The following HIP1 variants were observed in gnomAD, a reference collection of about 807,000 sequenced individuals.
The protein encoded by HIP1 is huntingtin interacting protein 1.
HIP1 carries 65 observed loss-of-function variants against 147.6 expected under a neutral mutation model. That is an observed-to-expected ratio of 0.44 (90% confidence interval 0.36 to 0.54). The LOEUF is 0.54. Ranked by LOEUF, HIP1 falls within the 20% of genes least tolerant of loss-of-function variation. HIP1 has a pLI of 0.00. For synonymous variants in HIP1, 479 were observed against 504.0 expected (o/e 0.95, Z 0.67); for missense variants, 1,061 against 1,299.6 (o/e 0.82, Z 2.82).
chr7:75,636,442 T>C lies in HIP1; in HGVS notation c.121-37195A>G, dbSNP rs993491975. Among the ~76,000 whole-genome samples the C allele has an allele frequency of 8.1e-4, 123 of 152,288 alleles. 2 individuals are homozygous for C. The highest frequency in any genetic ancestry group is 1.5e-3 in the Non-Finnish European group (103 of 68,026). ...GCAGGAGAAACCTCCAAGGCTGACA[T>C]TGGACTCTGTCAAGGATGTTCCTGA... On this transcript the variant is annotated intron_variant, in intron 1 of 30. Coordinates refer to ENST00000336926, the MANE Select transcript of HIP1 (RefSeq NM_005338.7).
chr7:75,560,017 T>G, intron 13 of HIP1, 102 bp from the exon 14 acceptor site: 2 of 1,167,634 alleles, frequency 1.7e-6, no homozygotes, highest in Non-Finnish European at 2.3e-6. Flanking sequence ...AAATACCTGA[T>G]TCCCCTAAGT....
At position 75,568,728 on chromosome 7, in the gene HIP1, G is replaced by T. The variant is rs782746614; in HGVS notation, c.746-472C>A. The stretch of plus-strand genomic sequence containing the variant: ...GAAGGCAAAGAACAAGGGATTGAAG[G>T]CCAGGTGCAGTGGCTCACGCATGTA... On this transcript the variant is annotated intron_variant, in intron 8 of 30. Coordinates refer to ENST00000336926, the MANE Select transcript of HIP1 (RefSeq NM_005338.7). The surrounding 1 kb of genome is among the most constrained non-coding windows in gnomAD (Gnocchi z 4.1). 5.5e-4 allele frequency among the ~76,000 whole-genome samples: 83 copies of T among 152,196 alleles called. No individual in the cohort carries two copies. The highest frequency in any genetic ancestry group is 8.2e-4 in the Non-Finnish European group (56 of 68,036).
At chr7:75,580,475 C>T (rs1023163513) in intron 7 of HIP1, among the ~76,000 whole-genome samples, 23 of 152,038 alleles carry the variant, frequency 1.5e-4, no homozygotes, top group East Asian at 1.9e-4. Context: ...TGGTAGCTCA[C>T]GCCTGTAATC....
rs149128119 is a variant in HIP1, at chr7:75,547,751, C to T, written c.2465+4G>A. 1,751 of 1,612,884 alleles carry T rather than the reference C, an allele frequency of 1.1e-3. 17 individuals carry two copies. In the African/African-American group the frequency reaches 0.02, roughly 19 times the overall value. Reference sequence around the variant, plus strand: ...CTAGGTCCCACCATGCCGCTCAGACCGACCTTTCATTCACCTCCAATTTGA... The same window carrying T: ...CTAGGTCCCACCATGCCGCTCAGACTGACCTTTCATTCACCTCCAATTTGA... On this transcript the variant is annotated splice_donor_region_variant and intron_variant, in intron 24 of 30. Coordinates refer to ENST00000336926, the MANE Select transcript of HIP1 (RefSeq NM_005338.7).
intron 1 of HIP1, among the ~76,000 whole-genome samples, chr7:75,688,194 C>A (rs1459242286): frequency 2.6e-5 from 4 of 152,178 alleles, no homozygotes; most frequent in Admixed American, 6.5e-5. Context: ...CCCACACCAC[C>A]AACACCCCTC....
intron 1 of HIP1, among the ~76,000 whole-genome samples, chr7:75,695,646 C>T (rs889798399): frequency 6.6e-6 from 1 of 152,032 alleles, no homozygotes; most frequent in African/African-American, 2.4e-5. Flanking sequence ...ACAATTTTGG[C>T]TCACTGCAAC....
chr7:75,711,307 T>G (rs1554520098), intron 1 of HIP1, among the ~76,000 whole-genome samples: 1 of 152,204 alleles, frequency 6.6e-6, no homozygotes, highest in East Asian at 1.9e-4. Context: ...ACAATTACAC[T>G]GCTTAGGCTT....
chr7:75,562,546 C>T (rs1210150168), intron 11 of HIP1, among the ~76,000 whole-genome samples: 1 of 152,144 alleles, frequency 6.6e-6, no homozygotes, highest in Non-Finnish European at 1.5e-5. Context: ...GATAACAGCT[C>T]ACTGTAGCCT....
intron 1 of HIP1, among the ~76,000 whole-genome samples, chr7:75,704,946 A>C (rs1021541588): frequency 6.6e-5 from 10 of 152,164 alleles, no homozygotes; most frequent in Admixed American, 2.6e-4. Flanking sequence ...ACCTTATCCC[A>C]TGTTTTAATA....
intron 1 of HIP1, among the ~76,000 whole-genome samples, chr7:75,646,167 C>T (rs1002642070): frequency 6.6e-6 from 1 of 152,112 alleles, no homozygotes; most frequent in Non-Finnish European, 1.5e-5. Flanking sequence ...GCAACCTCCA[C>T]CTCCCGGGTT....
intron 2 of HIP1, among the ~76,000 whole-genome samples, chr7:75,595,973 C>T (rs990681228): frequency 2.0e-5 from 3 of 152,074 alleles, no homozygotes; most frequent in Admixed American, 6.6e-5. Flanking sequence ...CATGGTGGCT[C>T]ACGCCTGTAA....
chr7:75,621,736 T>C (rs587766878), intron 1 of HIP1, among the ~76,000 whole-genome samples: 53 of 152,170 alleles, frequency 3.5e-4, no homozygotes, highest in African/African-American at 1.2e-3. Context: ...ACGTGGTCGG[T>C]CTCTGAATTT....
Position 75,595,232 on chromosome 7 carries a change from CTTTCTTT to C in HIP1, c.185-2725_185-2719del, listed in dbSNP as rs1563230168. On this transcript the variant is annotated intron_variant, in intron 2 of 30. Coordinates refer to ENST00000336926, the MANE Select transcript of HIP1 (RefSeq NM_005338.7). Reference sequence around the variant, plus strand: ...TCTTTCTTTCTTTCTTTCTTTCTTTCTTTCTTTCTTTCTTTCTTTCTTCCTTCCTTCC... The same window carrying C: ...TCTTTCTTTCTTTCTTTCTTTCTTTCCTTTCTTTCTTTCTTCCTTCCTTCC... 3.0e-3 allele frequency among the ~76,000 whole-genome samples: 334 copies of C among 110,916 alleles called. 1 individual carries two copies. Among genetic ancestry groups the C allele is most frequent in the African/African-American group, 0.013 (298 of 23,678 alleles). 72.8% of individuals were successfully genotyped at this position (110,916 alleles called of 152,430 possible).
intron 2 of HIP1, among the ~76,000 whole-genome samples, chr7:75,594,401 G>T (rs1554501412): frequency 1.3e-5 from 2 of 151,516 alleles, no homozygotes; most frequent in Non-Finnish European, 2.9e-5. Flanking sequence ...CCCCATATAT[G>T]GGATCCTGGA....
At chr7:75,558,087 C>T (rs782564401) in intron 15 of HIP1, 80 bp downstream of exon 15, 36 of 1,170,792 alleles carry the variant, frequency 3.1e-5, no homozygotes, top group Middle Eastern at 2.7e-4. Flanking sequence ...TTGCTGGCCC[C>T]GGGGAAGCCA....
In HIP1 at chr7:75,556,139, C is replaced by A; in HGVS notation, c.1714G>T (p.Glu572Ter). 6.2e-7 allele frequency: 1 copy of A among 1,614,132 alleles called. No individual in the cohort carries two copies. The highest frequency in any genetic ancestry group is 8.5e-7 in the Non-Finnish European group (1 of 1,180,026). The stretch of plus-strand genomic sequence containing the variant: ...AGGCTGTCCCGCTCCTTCTCTAGCT[C>A]GGCGAACTCGGCTGCCCAGTTTGCT... ...SEANWAAEFAELEKERDSLVS... is the reference protein window; with the variant it reads ...SEANWAAEFA Residue 572 changes from glutamate to a stop codon, truncating the protein, a stop_gained, in exon 18 of 31, where the codon GAG (glutamate) becomes TAG (stop). Coordinates refer to ENST00000336926, the MANE Select transcript of HIP1 (RefSeq NM_005338.7). LOFTEE classifies it high-confidence loss of function.
intron 1 of HIP1, among the ~76,000 whole-genome samples, chr7:75,712,743 C>A (rs1554520214): frequency 6.6e-6 from 1 of 152,196 alleles, no homozygotes; most frequent in Non-Finnish European, 1.5e-5. Flanking sequence ...CTCATTCAAT[C>A]CCTCATTCAC....
At position 75,664,032 on chromosome 7, in the gene HIP1, A is replaced by G. The variant is rs190356875; in HGVS notation, c.121-64785T>C. The stretch of plus-strand genomic sequence containing the variant: ...TATATATATACACATATATGTGTAT[A>G]TATATACACATATATGTGTATATAC... On this transcript the variant is annotated intron_variant, in intron 1 of 30. Coordinates refer to ENST00000336926, the MANE Select transcript of HIP1 (RefSeq NM_005338.7). Among the ~76,000 whole-genome samples the G allele has an allele frequency of 1.3e-3, 18 of 14,134 alleles. 4 individuals are homozygous for G. Among genetic ancestry groups the G allele is most frequent in the Admixed American group, 3.6e-3 (4 of 1,102 alleles). 9.3% of individuals were successfully genotyped at this position (14,134 alleles called of 152,430 possible). A position where few individuals can be genotyped will look rare whatever the true frequency, so the allele number is the denominator to read the frequency against.
chr7:75,617,240 A>G (rs191056934), intron 1 of HIP1, among the ~76,000 whole-genome samples: 171 of 151,784 alleles, frequency 1.1e-3, no homozygotes, highest in African/African-American at 4.0e-3. Flanking sequence ...ACTCCCGGCT[A>G]ATTTGTTTTG....
Sources: allele counts gnomAD v4.1 joint callset (sites outside exome capture counted in the v4.1 genomes callset), GRCh38; gene constraint gnomAD v4.1.1; non-coding constraint Gnocchi (gnomAD v3.1); transcripts MANE v1.5; gene names NCBI Gene and HGNC (gene_info 2026-07-23, HGNC 2026-07-21).